The following RNF166 variants were observed in gnomAD, a reference collection of about 807,000 sequenced individuals.
RNF166 encodes ring finger protein 166, also known as E3 ubiquitin-protein ligase RNF166.
Under a neutral mutation model 29.4 loss-of-function variants are expected in RNF166, and 19 were observed. The ratio of observed to expected loss-of-function variants is 0.65; its 90% confidence interval spans 0.45 to 0.95. The LOEUF (loss-of-function observed/expected upper bound fraction) is 0.95, where lower values mean the gene tolerates loss of function less well. Among genes scored for constraint, RNF166 ranks in the 40% least tolerant of loss-of-function variants. RNF166 has a pLI of 0.00. For missense variants in RNF166, 347 were observed against 322.1 expected, an observed-to-expected ratio of 1.08 and a Z score of -0.59; for synonymous variants, 171 against 134.5, an observed-to-expected ratio of 1.27 and a Z score of -1.88.
intron 1 of RNF166, chr16:88,703,176 G>GA (rs1237131652): frequency 1.0e-6 from 1 of 983,508 alleles, no homozygotes. Flanking sequence ...CCAGAAAGCA[G>GA]ACGGGTGGGT....
chr16:88,702,172 C>G (rs1377201201), intron 1 of RNF166, among the ~76,000 whole-genome samples: 2 of 16,428 alleles, frequency 1.2e-4, no homozygotes, highest in Non-Finnish European at 3.3e-4. Context: ...TCTGCAGACG[C>G]ACACAGCCCT....
intron 1 of RNF166, chr16:88,703,886 GC>G: frequency 1.0e-6 from 1 of 985,448 alleles, no homozygotes; most frequent in Non-Finnish European, 1.2e-6. Context: ...CCCTCAGCAA[GC>G]CCCACAGCTG....
In RNF166 at chr16:88,701,301, G is replaced by C; in HGVS notation, c.273C>G (p.Leu91=). The C allele has an allele frequency of 6.2e-7, 1 of 1,613,812 alleles. No homozygotes were observed. Among genetic ancestry groups the C allele is most frequent in the Non-Finnish European group, 8.5e-7 (1 of 1,179,956 alleles). ...VDKATHVEKQ[L]SSYKAPCRGC... ...CTCGACAGGGCGCTTTGTAGGATGAGAGCTGCTTCTCCACGTGGGTGGCCT... is the reference window on the plus strand; with the variant it reads ...CTCGACAGGGCGCTTTGTAGGATGACAGCTGCTTCTCCACGTGGGTGGCCT... Residue 91 remains leucine, a synonymous_variant, in exon 2 of 6, where the codon CTC becomes CTG. Coordinates refer to ENST00000312838, the MANE Select transcript of RNF166 (RefSeq NM_178841.4).
intron 1 of RNF166, chr16:88,703,571 T>C: frequency 1.0e-6 from 1 of 985,384 alleles, no homozygotes; most frequent in Non-Finnish European, 1.2e-6. Context: ...TCGGCCTAGT[T>C]TCCAGTGACT....
intron 1 of RNF166, chr16:88,703,726 C>T (rs1021465437): frequency 2.5e-5 from 25 of 985,356 alleles, no homozygotes; most frequent in African/African-American, 7.0e-5. Context: ...GTGGGGGCGT[C>T]GACAGCCTTA....
intron 1 of RNF166, chr16:88,704,404 G>C: frequency 1.0e-6 from 1 of 985,418 alleles, no homozygotes; most frequent in African/African-American, 1.7e-5. Context: ...ACCAAGAAAA[G>C]CATGGCAGAG....
At chr16:88,698,874 G>T in intron 4 of RNF166, 97 bp downstream of exon 4, 1 of 986,514 alleles carries the variant, frequency 1.0e-6, no homozygotes, top group African/African-American at 1.6e-5. Context: ...TGTGGCCTGG[G>T]CACCCCCGGA....
chr16:88,700,920 G>C (rs1335802433), intron 2 of RNF166: 15 of 1,162,972 alleles, frequency 1.3e-5, no homozygotes, highest in Non-Finnish European at 1.4e-5. Flanking sequence ...GCCGTCCCCG[G>C]TATCGGCTGG....
At position 88,698,647 on chromosome 16, in the gene RNF166, G is replaced by A. The variant is rs751732164; in HGVS notation, c.541-38C>T. ...CTGGGGTCAAGCCGAGCCGGACCGC[G>A]GAGAGGCGGGGTAGCCGCAGTAGGA... is the stretch of plus-strand genomic sequence containing the variant. On this transcript the variant is annotated intron_variant, in intron 4 of 5. Coordinates refer to ENST00000312838, the MANE Select transcript of RNF166 (RefSeq NM_178841.4). The A allele has an allele frequency of 2.5e-5, 36 of 1,434,734 alleles. No individual in the cohort carries two copies. The Admixed American group carries it at 5.7e-4, about 23-fold the overall frequency. The allele number at this position is 1,434,734 out of a possible 1,614,324, so 88.9% of individuals were successfully genotyped here.
chr16:88,702,882 G>A, intron 1 of RNF166: 1 of 985,534 alleles, frequency 1.0e-6, no homozygotes, highest in Non-Finnish European at 1.2e-6. Flanking sequence ...TTCACGGGAG[G>A]AAGGTGCTGG....
At position 88,701,194 on chromosome 16, in the gene RNF166, C is replaced by T. The variant is rs1187163162; in HGVS notation, c.312+68G>A. 3.1e-6 allele frequency: 5 copies of T among 1,588,268 alleles called. No homozygotes were observed. The Admixed American group carries it at 5.0e-5, about 16-fold the overall frequency. On this transcript the variant is annotated intron_variant, in intron 2 of 5. Coordinates refer to ENST00000312838, the MANE Select transcript of RNF166 (RefSeq NM_178841.4). ...AGAGGGCCCCGGCCCCCACCCTCTGCAGAACCCGTGGGCTGAGGCTGCCCA... is the reference window on the plus strand; with the variant it reads ...AGAGGGCCCCGGCCCCCACCCTCTGTAGAACCCGTGGGCTGAGGCTGCCCA...
At chr16:88,701,528 G>T in intron 1 of RNF166, 110 bp from the exon 2 acceptor site, 2 of 1,057,740 alleles carry the variant, frequency 1.9e-6, no homozygotes, top group East Asian at 2.7e-5. Context: ...CACAGGGGCA[G>T]CTCCCCCTAC....
chr16:88,703,699 G>A, intron 1 of RNF166: 1 of 985,520 alleles, frequency 1.0e-6, no homozygotes, highest in South Asian at 4.7e-5. Context: ...TGAAGGAAGT[G>A]GCTGAGGGCG....
At position 88,697,498 on chromosome 16, in the gene RNF166, A is replaced by G; in HGVS notation, c.*70T>C. The G allele has an allele frequency of 1.7e-6, 2 of 1,153,334 alleles. No homozygotes were observed. Among genetic ancestry groups the G allele is most frequent in the South Asian group, 2.7e-5 (2 of 75,294 alleles). 71.4% of individuals were successfully genotyped at this position (1,153,334 alleles called of 1,614,324 possible). On this transcript the variant is annotated 3_prime_UTR_variant, in exon 6 of 6. Transcript: ENST00000312838. ...AGTCCGGTGAGGTGCGCTCCCGAGC[A>G]GGTGCCAGGTGCGACACAGGAGCGG...
Position 88,706,341 on chromosome 16 carries a change from G to C in RNF166, c.-16C>G. On this transcript the variant is annotated 5_prime_UTR_variant, in exon 1 of 6. Coordinates refer to ENST00000312838, the MANE Select transcript of RNF166 (RefSeq NM_178841.4). ...ACATAGCCATCCCGGGGCCAGGCCC[G>C]CGCCGCCCGCCGCCCGCTGTCCTGG... 2.5e-6 allele frequency: 3 copies of C among 1,209,272 alleles called. No homozygotes were observed. Among genetic ancestry groups the C allele is most frequent in the Non-Finnish European group, 3.1e-6 (3 of 973,036 alleles). The allele number at this position is 1,209,272 out of a possible 1,614,324, so 74.9% of individuals were successfully genotyped here. A position where few individuals can be genotyped will look rare whatever the true frequency, so the allele number is the denominator to read the frequency against.
intron 1 of RNF166, chr16:88,703,141 C>T (rs772931374): frequency 4.2e-5 from 41 of 985,348 alleles, no homozygotes; most frequent in South Asian, 1.4e-4. Flanking sequence ...TCACGCTCAA[C>T]GTCCAGCAGA....
intron 4 of RNF166, 111 bp from the exon 5 acceptor site, chr16:88,698,720 G>A (rs1567634956): frequency 3.6e-6 from 3 of 837,720 alleles, no homozygotes; most frequent in Non-Finnish European, 5.5e-6. Flanking sequence ...AGCCTGGGAA[G>A]GCACCCCAGA....
chr16:88,697,872 G>A (rs144920314), intron 5 of RNF166: 190 of 511,866 alleles, frequency 3.7e-4, no homozygotes, highest in Non-Finnish European at 5.8e-4. Flanking sequence ...ATGGCTGCTG[G>A]TTCAGGTCGG....
chr16:88,706,027 C>T, intron 1 of RNF166, 144 bp downstream of exon 1: 1 of 364,084 alleles, frequency 2.7e-6, no homozygotes, highest in Non-Finnish European at 3.8e-6. Context: ...CAGGGAAACC[C>T]GGACCCCACG....
Sources: allele counts gnomAD v4.1 joint callset (sites outside exome capture counted in the v4.1 genomes callset), GRCh38; gene constraint gnomAD v4.1.1; transcripts MANE v1.5; gene names NCBI Gene and HGNC (gene_info 2026-07-23, HGNC 2026-07-21).